NBEAL1: variants seen among roughly 807,000 people sequenced by gnomAD.
NBEAL1 encodes neurobeachin-like protein 1.
A neutral mutation model predicts 351.3 loss-of-function variants in NBEAL1; 273 were observed. The observed-to-expected ratio is 0.78, with a 90% CI of 0.70 to 0.86. The LOEUF is 0.86. NBEAL1 is among the 40% of genes least tolerant of loss of function. The probability of loss-of-function intolerance (pLI) is 0.00; values close to 1 mark genes in which losing one functional copy is unlikely to be tolerated. For synonymous variants in NBEAL1, 1,050 were observed against 1,086.4 expected (o/e 0.97, Z 0.66); for missense variants, 2,961 against 3,201.3 (o/e 0.92, Z 1.81).
In NBEAL1 at chr2:203,214,546, G is replaced by C. The variant is rs191759057; in HGVS notation, c.8070+893G>C. 1.6e-4 allele frequency among the ~76,000 whole-genome samples: 25 copies of C among 152,270 alleles called. No homozygotes were observed. In the Middle Eastern group the frequency reaches 0.014, roughly 83 times the overall value. On this transcript the variant is annotated intron_variant, in intron 55 of 55. Coordinates refer to ENST00000683969, the MANE Select transcript of NBEAL1 (RefSeq NM_001378026.1). ...TCCCTGCACTTTGGGGGACCGAGAC[G>C]AGCGGATCACTTGAGGTCAGGAGTT... is the stretch of plus-strand genomic sequence containing the variant.
At chr2:203,209,131 T>C in intron 52 of NBEAL1, 30 bp from the exon 53 acceptor site, 1 of 1,563,232 alleles carries the variant, frequency 6.4e-7, no homozygotes, top group South Asian at 1.2e-5. Flanking sequence ...TCCTTTGTCT[T>C]TTTCATTTTC....
intron 10 of NBEAL1, among the ~76,000 whole-genome samples, chr2:203,091,270 A>G (rs1327464213): frequency 1.3e-5 from 2 of 152,210 alleles, no homozygotes; most frequent in Admixed American, 6.5e-5. Context: ...TTCACTTAGC[A>G]TAGTGTCCTC....
At chr2:203,095,287 A>ATTGT (rs139305237) in intron 10 of NBEAL1, among the ~76,000 whole-genome samples, 3,643 of 151,842 alleles carry the variant, frequency 0.024, 151 homozygotes, top group African/African-American at 0.083. Flanking sequence ...AAGAATAAGA[A>ATTGT]TTGTTTGTTT....
intron 42 of NBEAL1, 63 bp from the exon 43 acceptor site, chr2:203,180,319 T>G: frequency 2.0e-6 from 3 of 1,508,570 alleles, no homozygotes; most frequent in Non-Finnish European, 2.7e-6. Flanking sequence ...TTTAAAAGTT[T>G]TGTTTCATGT....
intron 25 of NBEAL1, among the ~76,000 whole-genome samples, chr2:203,131,099 A>G (rs2106297496): frequency 1.3e-5 from 2 of 152,366 alleles, no homozygotes; most frequent in Middle Eastern, 6.8e-3. Flanking sequence ...AGCCTTTCTC[A>G]TTAAGAAACA....
At chr2:203,122,467 A>G (rs534408252) in intron 19 of NBEAL1, 124 bp downstream of exon 19, 15 of 615,564 alleles carry the variant, frequency 2.4e-5, no homozygotes, top group South Asian at 2.0e-4. Flanking sequence ...GGGTTATGCA[A>G]ACATACAATT....
At chr2:203,050,660 A>C (rs2061310045) in intron 4 of NBEAL1, among the ~76,000 whole-genome samples, 1 of 152,234 alleles carries the variant, frequency 6.6e-6, no homozygotes. Flanking sequence ...TCCCACATTT[A>C]TAAATTAGGT....
chr2:203,046,113 G>A (rs2061220812), intron 3 of NBEAL1, among the ~76,000 whole-genome samples: 1 of 151,912 alleles, frequency 6.6e-6, no homozygotes, highest in African/African-American at 2.4e-5. Flanking sequence ...CCAGGAATTA[G>A]AGACCAGCCT....
intron 25 of NBEAL1, among the ~76,000 whole-genome samples, chr2:203,130,717 A>T (rs2063053823): frequency 6.6e-6 from 1 of 152,112 alleles, no homozygotes; most frequent in African/African-American, 2.4e-5. Flanking sequence ...TCAATATAAA[A>T]CCTCCCATCT....
At chr2:203,130,639 A>G (rs2063052241) in intron 25 of NBEAL1, among the ~76,000 whole-genome samples, 163 bp downstream of exon 25, 1 of 152,142 alleles carries the variant, frequency 6.6e-6, no homozygotes, top group South Asian at 2.1e-4. Flanking sequence ...TTGTTTGCAT[A>G]TTAAAAAACT....
At chr2:203,177,382 A>C (rs1214105805) in intron 42 of NBEAL1, among the ~76,000 whole-genome samples, 3 of 151,656 alleles carry the variant, frequency 2.0e-5, no homozygotes, top group African/African-American at 7.3e-5. Context: ...TTAAAAAAAA[A>C]AAAAAAGAGG....
At chr2:203,079,761 GC>G (rs1474197884) in intron 8 of NBEAL1, among the ~76,000 whole-genome samples, 1 of 151,924 alleles carries the variant, frequency 6.6e-6, no homozygotes, top group Non-Finnish European at 1.5e-5. Context: ...AATACACTAG[GC>G]ATATTACCTT....
chr2:203,016,474 T>G, intron 2 of NBEAL1, 39 bp downstream of exon 2: 1 of 1,297,622 alleles, frequency 7.7e-7, no homozygotes, highest in South Asian at 1.7e-5. Flanking sequence ...TTTAAAATAC[T>G]TTATTATAAA....
At chr2:203,172,938 T>A in intron 41 of NBEAL1, 85 bp downstream of exon 41, 2 of 1,254,030 alleles carry the variant, frequency 1.6e-6, no homozygotes, top group Non-Finnish European at 1.1e-6. Flanking sequence ...CCAAAAAAAT[T>A]TTTTTTTTAT....
intron 2 of NBEAL1, among the ~76,000 whole-genome samples, chr2:203,036,366 C>G (rs1215459530): frequency 6.7e-6 from 1 of 149,008 alleles, no homozygotes; most frequent in East Asian, 1.9e-4. Flanking sequence ...CGAAGCTCCT[C>G]TTTTCCTCTT....
chr2:203,056,492 C>T lies in NBEAL1; in HGVS notation c.371C>T (p.Thr124Ile). The change falls in exon 5 of 56, where the codon ACA becomes ATA. Residue 124 changes from threonine to isoleucine, a missense_variant. Coordinates refer to ENST00000683969, the MANE Select transcript of NBEAL1 (RefSeq NM_001378026.1). Reference protein sequence around the residue: ...SYINYVITMTTLYIQQLKSKK... With the variant: ...SYINYVITMTILYIQQLKSKK... ...ATTAATTATGTCATCACCATGACAA[C>T]ACTCTATATTCAGCAAGTAGGTGTG... 1.3e-6 allele frequency: 2 copies of T among 1,534,870 alleles called. No individual in the cohort carries two copies. The highest frequency in any genetic ancestry group is 1.8e-6 in the Non-Finnish European group (2 of 1,129,816).
At chr2:203,065,826 T>C (rs2061575179) in intron 6 of NBEAL1, among the ~76,000 whole-genome samples, 1 of 152,182 alleles carries the variant, frequency 6.6e-6, no homozygotes, top group Admixed American at 6.5e-5. Flanking sequence ...ATAAGCGTTT[T>C]ACAGCCCTCT....
At chr2:203,110,327 G>T in intron 15 of NBEAL1, 45 bp downstream of exon 15, 1 of 1,509,388 alleles carries the variant, frequency 6.6e-7, no homozygotes, top group Non-Finnish European at 8.9e-7. Context: ...ATGGTTAATG[G>T]TATTTCCCAC....
chr2:203,190,080 G>A (rs1054931433), intron 45 of NBEAL1, among the ~76,000 whole-genome samples: 5 of 151,084 alleles, frequency 3.3e-5, no homozygotes, highest in Admixed American at 3.3e-4. Flanking sequence ...AGGTTGCAGT[G>A]AGTCGAGATC....
Sources: allele counts gnomAD v4.1 joint callset (sites outside exome capture counted in the v4.1 genomes callset), GRCh38; gene constraint gnomAD v4.1.1; transcripts MANE v1.5; gene names NCBI Gene and HGNC (gene_info 2026-07-23, HGNC 2026-07-21).